RALGPS1: variants seen among roughly 807,000 people sequenced by gnomAD.
RALGPS1 encodes Ral GEF with PH domain and SH3 binding motif 1, also known as ras-specific guanine nucleotide-releasing factor RalGPS1.
RALGPS1 carries 19 observed loss-of-function variants against 78.8 expected under a neutral mutation model. That is an observed-to-expected ratio of 0.24 (90% confidence interval 0.17 to 0.35). The LOEUF (loss-of-function observed/expected upper bound fraction) is 0.35, where lower values mean the gene tolerates loss of function less well. Among genes scored for constraint, RALGPS1 ranks in the 10% least tolerant of loss-of-function variants. RALGPS1 has a pLI of 1.00. For synonymous variants in RALGPS1, 228 were observed against 256.3 expected, an observed-to-expected ratio of 0.89 and a Z score of 1.06; for missense variants, 454 against 688.3, an observed-to-expected ratio of 0.66 and a Z score of 3.81.
intron 3 of RALGPS1, among the ~76,000 whole-genome samples, chr9:126,969,953 T>C (rs2039943919): frequency 6.6e-6 from 1 of 152,204 alleles, no homozygotes; most frequent in African/African-American, 2.4e-5. Context: ...GTCTTTGGCC[T>C]CTGGGAAAGC....
intron 11 of RALGPS1, among the ~76,000 whole-genome samples, chr9:127,188,638 G>C (rs756886528): frequency 5.3e-5 from 8 of 151,854 alleles, no homozygotes; most frequent in Non-Finnish European, 1.2e-4. Context: ...TTGAACTGTA[G>C]CAACAAAGAC....
chr9:127,079,458 G>A (rs984730112), intron 8 of RALGPS1: 2 of 152,228 alleles, frequency 1.3e-5, no homozygotes, highest in African/African-American at 2.4e-5. Flanking sequence ...TTCCCCTTGA[G>A]TGTAGGCAGA....
intron 3 of RALGPS1, among the ~76,000 whole-genome samples, chr9:126,967,661 C>T (rs550753614): frequency 2.2e-4 from 33 of 152,124 alleles, no homozygotes; most frequent in Non-Finnish European, 3.8e-4. Context: ...CTCAGCCTCC[C>T]AAAGTGCTGG....
chr9:127,167,031 G>A (rs1276685421), intron 9 of RALGPS1, among the ~76,000 whole-genome samples: 4 of 149,906 alleles, frequency 2.7e-5, no homozygotes, highest in Non-Finnish European at 3.0e-5. Flanking sequence ...GGGGTGTGGT[G>A]CATGGGGGGT....
At chr9:127,199,090 T>C (rs1213246675) in intron 14 of RALGPS1, 24 bp downstream of exon 14, 3 of 1,608,806 alleles carry the variant, frequency 1.9e-6, no homozygotes, top group African/African-American at 1.3e-5. Context: ...CAGCATGGCC[T>C]CCCTCCCAGG....
chr9:126,989,423 G>A (rs537845046), intron 4 of RALGPS1, among the ~76,000 whole-genome samples: 4 of 152,346 alleles, frequency 2.6e-5, no homozygotes, highest in African/African-American at 9.6e-5. Context: ...ATACAGCAGC[G>A]TGGAGGGGAA....
chr9:127,059,567 G>A (rs2049025452), intron 7 of RALGPS1, among the ~76,000 whole-genome samples: 1 of 152,034 alleles, frequency 6.6e-6, no homozygotes, highest in African/African-American at 2.4e-5. Context: ...GTTCTGCAAG[G>A]CTGTGACCTC....
At chr9:127,193,312 G>T (rs2779712) in intron 11 of RALGPS1, among the ~76,000 whole-genome samples, 102,540 of 152,022 alleles carry the variant, frequency 0.67, 35,555 homozygotes, top group Admixed American at 0.78. Context: ...TTTGAAAGGG[G>T]TGGGGTCTTG....
At chr9:127,108,783 G>A in intron 8 of RALGPS1, 2 of 1,530,362 alleles carry the variant, frequency 1.3e-6, no homozygotes, top group Non-Finnish European at 1.8e-6. Flanking sequence ...ATGAAAGCCT[G>A]AAAGTAAACA....
intron 8 of RALGPS1, among the ~76,000 whole-genome samples, chr9:127,110,008 C>G (rs1290029245): frequency 3.3e-5 from 5 of 152,228 alleles, no homozygotes; most frequent in Non-Finnish European, 4.4e-5. Context: ...GGATGGTTTT[C>G]CTATAATCAT....
chr9:127,111,667 T>G (rs2054829271), intron 8 of RALGPS1, among the ~76,000 whole-genome samples: 1 of 152,226 alleles, frequency 6.6e-6, no homozygotes, highest in African/African-American at 2.4e-5. Context: ...ACTAAACATT[T>G]TGCAAGTGTT....
chr9:126,977,454 C>G (rs2040774434), intron 3 of RALGPS1, among the ~76,000 whole-genome samples: 1 of 152,112 alleles, frequency 6.6e-6, no homozygotes, highest in Non-Finnish European at 1.5e-5. Flanking sequence ...TTTATCAATT[C>G]CTAAATTGAA....
At chr9:127,148,719 A>G (rs2058245256) in intron 8 of RALGPS1, among the ~76,000 whole-genome samples, 1 of 152,076 alleles carries the variant, frequency 6.6e-6, no homozygotes, top group Non-Finnish European at 1.5e-5. Context: ...GGCCATGGAG[A>G]ATCCCCTTCC....
intron 11 of RALGPS1, among the ~76,000 whole-genome samples, chr9:127,182,185 A>G (rs2060265828): frequency 6.6e-6 from 1 of 151,866 alleles, no homozygotes; most frequent in African/African-American, 2.4e-5. Flanking sequence ...GTTTAAAAAA[A>G]AAAAAAAAAA....
chr9:126,932,699 CAA>C (rs1303350601), intron 1 of RALGPS1, among the ~76,000 whole-genome samples: 6 of 151,554 alleles, frequency 4.0e-5, no homozygotes, highest in South Asian at 2.1e-4. Context: ...CATTATAAAA[CAA>C]AATGTTATAA....
rs867404070 is a variant in RALGPS1, at chr9:127,174,762, C to T, written c.890C>T (p.Ser297Phe). The T allele has an allele frequency of 2.8e-5, 45 of 1,614,058 alleles. No homozygotes were observed. Among genetic ancestry groups the T allele is most frequent in the Non-Finnish European group, 3.8e-5 (45 of 1,180,012 alleles). ...GGAAGCAGCTCTCCAAGACTAGTCT[C>T]TTCCAAGGAAGATCTTGCAGGTATC... The part of the protein sequence containing the change: ...EPGSSSPRLV[S>F]SKEDLAGPSA... The change falls in exon 11 of 19, where the codon TCT (serine) becomes TTT (phenylalanine). Residue 297 changes from serine to phenylalanine, a missense_variant. Coordinates refer to ENST00000259351, the MANE Select transcript of RALGPS1 (RefSeq NM_014636.3).
intron 7 of RALGPS1, among the ~76,000 whole-genome samples, chr9:127,064,714 A>G (rs1478496967): frequency 6.6e-6 from 1 of 152,214 alleles, no homozygotes; most frequent in Non-Finnish European, 1.5e-5. Context: ...TTGTTCCTCA[A>G]ACACATTCAT....
At chr9:127,084,866 T>C (rs1349003822) in intron 8 of RALGPS1, among the ~76,000 whole-genome samples, 1 of 152,238 alleles carries the variant, frequency 6.6e-6, no homozygotes, top group Non-Finnish European at 1.5e-5. Context: ...CTTTTAGACA[T>C]GTTGTTACAC....
At chr9:127,130,848 A>G (rs2056955819) in intron 8 of RALGPS1, among the ~76,000 whole-genome samples, 1 of 152,002 alleles carries the variant, frequency 6.6e-6, no homozygotes, top group Non-Finnish European at 1.5e-5. Context: ...TGCCCTTTCA[A>G]CCTCTTCGTT....
Sources: allele counts gnomAD v4.1 joint callset (sites outside exome capture counted in the v4.1 genomes callset), GRCh38; gene constraint gnomAD v4.1.1; transcripts MANE v1.5; gene names NCBI Gene and HGNC (gene_info 2026-07-23, HGNC 2026-07-21).